Variants in NEMP2 observed in about 807,000 individuals in gnomAD.
NEMP2 encodes nuclear envelope integral membrane protein 2.
A neutral mutation model predicts 54.2 loss-of-function variants in NEMP2; 53 were observed. The observed-to-expected ratio is 0.98, with a 90% CI of 0.78 to 1.23. NEMP2 has a LOEUF of 1.23. Ranked by LOEUF, NEMP2 falls within the 50% of genes most tolerant of loss-of-function variation. NEMP2 has a pLI of 0.00. For synonymous variants in NEMP2, 197 were observed against 190.3 expected (o/e 1.04, Z -0.29); for missense variants, 455 against 511.3 (o/e 0.89, Z 1.06).
chr2:190,610,710 A>T, the NEMP2 span: 1 of 152,386 alleles, frequency 6.6e-6, no homozygotes, highest in East Asian at 1.9e-4. The surrounding 1 kb of genome is among the most constrained non-coding windows in gnomAD (Gnocchi z 5.4). Context: ...AAATTTTGGA[A>T]TCAGGTAGAG....
chr2:190,459,015 A>G, the NEMP2 span, among the ~76,000 whole-genome samples: 2 of 152,238 alleles, frequency 1.3e-5, no homozygotes, highest in Admixed American at 6.5e-5. This position sits in a 1 kb window ranked among gnomAD's most constrained non-coding sequence, Gnocchi z 5.3. Flanking sequence ...TCTGACGTAG[A>G]GAGTGGGTCC....
At chr2:190,475,550 T>G in the NEMP2 span, among the ~76,000 whole-genome samples, 23 of 152,150 alleles carry the variant, frequency 1.5e-4, no homozygotes, top group Non-Finnish European at 2.6e-4. Context: ...CACTGCTCAA[T>G]GAAATAAAAG....
At chr2:190,439,456 C>T in the NEMP2 span, among the ~76,000 whole-genome samples, 1 of 151,976 alleles carries the variant, frequency 6.6e-6, no homozygotes, top group African/African-American at 2.4e-5. The surrounding 1 kb of genome is among the most constrained non-coding windows in gnomAD (Gnocchi z 5.8). Flanking sequence ...GTTCTATTTT[C>T]AAAGGAATTG....
the NEMP2 span, among the ~76,000 whole-genome samples, chr2:190,594,250 T>A: frequency 2.6e-5 from 4 of 152,176 alleles, no homozygotes; most frequent in African/African-American, 9.7e-5. The surrounding 1 kb of genome is among the most constrained non-coding windows in gnomAD (Gnocchi z 5.6). Flanking sequence ...AGGTAACCTC[T>A]TCAGCAAGGA....
chr2:190,436,001 T>G, the NEMP2 span: 3 of 1,578,708 alleles, frequency 1.9e-6, no homozygotes, highest in South Asian at 2.3e-5. This position sits in a 1 kb window ranked among gnomAD's most constrained non-coding sequence, Gnocchi z 5.3. Context: ...TTCTGAAGTT[T>G]GTAAACTTGC....
At chr2:190,436,777 G>T in the NEMP2 span, 1 of 1,614,120 alleles carries the variant, frequency 6.2e-7, no homozygotes, top group Non-Finnish European at 8.5e-7. The surrounding 1 kb of genome is among the most constrained non-coding windows in gnomAD (Gnocchi z 5.3). Context: ...AGCAACCCCT[G>T]TCTCCCCAGG....
the NEMP2 span, among the ~76,000 whole-genome samples, chr2:190,614,831 AG>A: frequency 6.6e-6 from 1 of 152,228 alleles, no homozygotes. The surrounding 1 kb of genome is among the most constrained non-coding windows in gnomAD (Gnocchi z 5.7). Context: ...AAGGCCAGAT[AG>A]GAAAACAATA....
chr2:190,629,279 A>G, the NEMP2 span, among the ~76,000 whole-genome samples: 19 of 152,350 alleles, frequency 1.2e-4, 1 homozygote, highest in South Asian at 3.9e-3. Flanking sequence ...GTCTTTAAAA[A>G]GTTCATTGAA....
At chr2:190,571,625 G>A in the NEMP2 span, among the ~76,000 whole-genome samples, 11 of 152,076 alleles carry the variant, frequency 7.2e-5, no homozygotes, top group Non-Finnish European at 1.3e-4. Context: ...ACTCTCTTAC[G>A]AATTTCCAGG....
the NEMP2 span, among the ~76,000 whole-genome samples, chr2:190,602,493 G>A: frequency 1.3e-5 from 2 of 151,844 alleles, no homozygotes; most frequent in African/African-American, 2.4e-5. Context: ...AAATACCTTC[G>A]CAATAACATC....
the NEMP2 span, among the ~76,000 whole-genome samples, chr2:190,604,983 AT>A: frequency 6.6e-6 from 1 of 151,890 alleles, no homozygotes; most frequent in Non-Finnish European, 1.5e-5. The surrounding 1 kb of genome is among the most constrained non-coding windows in gnomAD (Gnocchi z 4.5). Context: ...TCCCTTTTTC[AT>A]GCTCTCCTGT....
At chr2:190,628,254 C>T in the NEMP2 span, 1 of 152,228 alleles carries the variant, frequency 6.6e-6, no homozygotes, top group Non-Finnish European at 1.5e-5. This position sits in a 1 kb window ranked among gnomAD's most constrained non-coding sequence, Gnocchi z 4.1. Flanking sequence ...CTGGGACCAG[C>T]GAAATGTCTG....
Position 190,525,341 on chromosome 2 carries a change from AAT to A in NEMP2, c.133_134del (p.Ile45Ter). 2 of 1,550,274 alleles carry A rather than the reference AAT, an allele frequency of 1.3e-6. No individual in the cohort carries two copies. The highest frequency in any genetic ancestry group is 1.7e-6 in the Non-Finnish European group (2 of 1,146,048). ...AGTAACAGTCTGACTCAGACGTTCT[AAT>A]TAAATCTTTTTCCTTCAAAGCTTTA... Reference protein sequence around the residue: ...RCKALKEKDLIRTSESDCYCY... With the variant: ...RCKALKEKDLXRTSESDCYCY... On this transcript the variant is annotated frameshift_variant, in exon 2 of 9. Transcript: ENST00000409150. LOFTEE classifies it high-confidence loss of function. This position sits in a 1 kb window ranked among gnomAD's most constrained non-coding sequence, Gnocchi z 5.0.
chr2:190,581,467 T>C, the NEMP2 span, among the ~76,000 whole-genome samples: 1 of 152,178 alleles, frequency 6.6e-6, no homozygotes, highest in African/African-American at 2.4e-5. Context: ...CATCTAAGGA[T>C]TGATACAGTT....
intron 4 of NEMP2, 95 bp from the exon 5 acceptor site, chr2:190,517,708 A>G (rs1056123271): frequency 2.3e-6 from 2 of 870,664 alleles, no homozygotes; most frequent in African/African-American, 3.4e-5. Context: ...CATAAATAAC[A>G]CTAAGAACAG....
chr2:190,532,508 T>G (rs1035888624), intron 1 of NEMP2, among the ~76,000 whole-genome samples: 1 of 152,172 alleles, frequency 6.6e-6, no homozygotes, highest in Admixed American at 6.5e-5. Context: ...GGGTGAAAAT[T>G]ATGGGAAACT....
the NEMP2 span, among the ~76,000 whole-genome samples, chr2:190,429,850 T>C: frequency 6.6e-6 from 1 of 152,206 alleles, no homozygotes; most frequent in Non-Finnish European, 1.5e-5. Flanking sequence ...CTTGTTCTTT[T>C]TTTTTCTTTA....
the NEMP2 span, among the ~76,000 whole-genome samples, chr2:190,442,317 A>G: frequency 6.6e-6 from 1 of 152,164 alleles, no homozygotes; most frequent in African/African-American, 2.4e-5. Flanking sequence ...AGTAAGATGC[A>G]GGGGCTGAAT....
chr2:190,627,107 T>C, the NEMP2 span, among the ~76,000 whole-genome samples: 5 of 152,246 alleles, frequency 3.3e-5, no homozygotes, highest in Non-Finnish European at 5.9e-5. The surrounding 1 kb of genome is among the most constrained non-coding windows in gnomAD (Gnocchi z 4.4). Context: ...TATGGTACTT[T>C]CTCTACACAC....
Sources: gnomAD v4.1 joint callset for allele counts (sites outside exome capture counted in the v4.1 genomes callset) on GRCh38, gnomAD v4.1.1 for gene constraint, Gnocchi (gnomAD v3.1) non-coding constraint, MANE v1.5 for transcripts, NCBI Gene and HGNC (gene_info 2026-07-23, HGNC 2026-07-21) for gene names.